SLC35F3: variants seen among roughly 807,000 people sequenced by gnomAD.
SLC35F3 encodes the protein solute carrier family 35 member F3.
A neutral mutation model predicts 49.9 loss-of-function variants in SLC35F3; 25 were observed. That is an observed-to-expected ratio of 0.50 (90% CI 0.37 to 0.70). The LOEUF is 0.70. SLC35F3 is among the 30% of genes least tolerant of loss of function. The pLI, the probability that SLC35F3 is intolerant of heterozygous loss-of-function variation, is 0.00. For missense variants in SLC35F3, 525 were observed against 639.8 expected (o/e 0.82, Z 1.94); for synonymous variants, 275 against 265.4 (o/e 1.04, Z -0.35).
intron 3 of SLC35F3, among the ~76,000 whole-genome samples, chr1:234,268,175 G>A (rs1161383008): frequency 6.6e-6 from 1 of 152,194 alleles, no homozygotes; most frequent in African/African-American, 2.4e-5. Flanking sequence ...ATTGAGCACT[G>A]AGTGAACCAG....
intron 2 of SLC35F3, among the ~76,000 whole-genome samples, chr1:234,005,110 T>C (rs2102834517): frequency 6.6e-6 from 1 of 152,256 alleles, no homozygotes; most frequent in African/African-American, 2.4e-5. Context: ...TTATTACTCG[T>C]TGATTCCTTC....
Position 234,231,816 on chromosome 1 carries a change from C to T in SLC35F3, c.608+75C>T, listed in dbSNP as rs1159959842. 2.8e-6 allele frequency: 4 copies of T among 1,414,804 alleles called. No homozygotes were observed. The highest frequency in any genetic ancestry group is 3.9e-6 in the Non-Finnish European group (4 of 1,032,454). The allele number at this position is 1,414,804 out of a possible 1,614,324, so 87.6% of individuals were successfully genotyped here. On this transcript the variant is annotated intron_variant, in intron 3 of 7. Coordinates refer to ENST00000366618, the MANE Select transcript of SLC35F3 (RefSeq NM_173508.4). The surrounding 1 kb of genome is among the most constrained non-coding windows in gnomAD (Gnocchi z 5.4). ...CAGCGCTGACTCTGCAGAGCTGCCC[C>T]TGGTGGCAGGCGCTGGGATGAGCCG...
intron 2 of SLC35F3, among the ~76,000 whole-genome samples, chr1:234,022,709 C>A (rs1005984032): frequency 6.6e-6 from 1 of 152,104 alleles, no homozygotes; most frequent in African/African-American, 2.4e-5. Flanking sequence ...ACATCTCTGG[C>A]TCAGTACATG....
At position 234,076,025 on chromosome 1, in the gene SLC35F3, A is replaced by G. The variant is rs563397673; in HGVS notation, c.284-155392A>G. Among the ~76,000 whole-genome samples, 7 of 152,230 alleles carry G rather than the reference A, an allele frequency of 4.6e-5. No individual in the cohort carries two copies. In the South Asian group the frequency reaches 6.2e-4, roughly 14 times the overall value. ...ACCGCAGACTGTTTTCTGTGATTCC[A>G]TGTTATTTTCTTCTGGGTATGTTCT... On this transcript the variant is annotated intron_variant, in intron 2 of 7. Coordinates refer to ENST00000366618, the MANE Select transcript of SLC35F3 (RefSeq NM_173508.4).
intron 2 of SLC35F3, among the ~76,000 whole-genome samples, chr1:233,936,644 C>G (rs1571986878): frequency 6.6e-6 from 1 of 151,734 alleles, no homozygotes; most frequent in East Asian, 1.9e-4. Flanking sequence ...TCTTCTTCCT[C>G]TTCTCCTCCT....
intron 2 of SLC35F3, among the ~76,000 whole-genome samples, chr1:234,012,077 A>G (rs1025839478): frequency 6.6e-6 from 1 of 152,210 alleles, no homozygotes; most frequent in African/African-American, 2.4e-5. Flanking sequence ...AAAACATGTG[A>G]GCAAAAGAAT....
chr1:234,163,514 C>T (rs1056690336), intron 2 of SLC35F3, among the ~76,000 whole-genome samples: 1 of 152,084 alleles, frequency 6.6e-6, no homozygotes, highest in Admixed American at 6.5e-5. Flanking sequence ...CCAGTGTGTT[C>T]AGTGATGGAG....
chr1:234,128,832 C>T (rs1665688285), intron 2 of SLC35F3, among the ~76,000 whole-genome samples: 1 of 152,164 alleles, frequency 6.6e-6, no homozygotes, highest in South Asian at 2.1e-4. Flanking sequence ...ATTTCTTTCA[C>T]TCTGTCGGAA....
intron 2 of SLC35F3, among the ~76,000 whole-genome samples, chr1:234,208,740 A>C (rs1202461345): frequency 6.6e-6 from 1 of 152,130 alleles, no homozygotes; most frequent in African/African-American, 2.4e-5. Context: ...CAGCACACCC[A>C]CTTCAGTATC....
At chr1:233,966,145 T>A (rs145298514) in intron 2 of SLC35F3, among the ~76,000 whole-genome samples, 104 of 152,232 alleles carry the variant, frequency 6.8e-4, no homozygotes, top group African/African-American at 2.4e-3. Flanking sequence ...CAGAGGTTGT[T>A]AGCAGCCAGC....
chr1:234,268,445 A>AGG (rs1174544431), intron 3 of SLC35F3: 6 of 146,318 alleles, frequency 4.1e-5, no homozygotes, highest in Admixed American at 2.0e-4. Flanking sequence ...AGACCGTGGA[A>AGG]AGGAGACCGT....
chr1:234,036,620 T>C (rs902043054), intron 2 of SLC35F3, among the ~76,000 whole-genome samples: 4 of 152,240 alleles, frequency 2.6e-5, no homozygotes, highest in African/African-American at 9.6e-5. Context: ...GAGATTGTGT[T>C]CTATCTTTTC....
intron 6 of SLC35F3, 45 bp downstream of exon 6, chr1:234,318,988 C>T: frequency 6.6e-7 from 1 of 1,520,696 alleles, no homozygotes; most frequent in Non-Finnish European, 9.0e-7. Flanking sequence ...AGCAACCACC[C>T]ACAGAGGACC....
chr1:234,021,031 A>G (rs935205855), intron 2 of SLC35F3, among the ~76,000 whole-genome samples: 4 of 152,216 alleles, frequency 2.6e-5, no homozygotes, highest in Non-Finnish European at 4.4e-5. Flanking sequence ...AAGAACTTCT[A>G]TCCAGCCTTT....
At chr1:233,908,237 G>A (rs1413829598) in intron 2 of SLC35F3, among the ~76,000 whole-genome samples, 1 of 151,818 alleles carries the variant, frequency 6.6e-6, no homozygotes, top group Non-Finnish European at 1.5e-5. Context: ...AGTGAGTTAT[G>A]GAAGCTCCAA....
intron 3 of SLC35F3, among the ~76,000 whole-genome samples, chr1:234,245,220 T>C (rs1357550585): frequency 6.6e-6 from 1 of 152,240 alleles, no homozygotes; most frequent in Non-Finnish European, 1.5e-5. Flanking sequence ...ACATGCAGTA[T>C]TTCTCTTTCT....
At chr1:233,956,215 T>C (rs543480872) in intron 2 of SLC35F3, among the ~76,000 whole-genome samples, 5 of 152,172 alleles carry the variant, frequency 3.3e-5, no homozygotes, top group African/African-American at 1.2e-4. Context: ...AGTTTAGAAG[T>C]TAAAAGTTGA....
chr1:234,270,352 G>A (rs1460947260), intron 3 of SLC35F3, among the ~76,000 whole-genome samples: 1 of 152,144 alleles, frequency 6.6e-6, no homozygotes, highest in Non-Finnish European at 1.5e-5. Flanking sequence ...CAGCCTCAAG[G>A]AGAGGGTCCA....
chr1:234,114,501 G>C (rs749630632), intron 2 of SLC35F3, among the ~76,000 whole-genome samples: 3 of 152,172 alleles, frequency 2.0e-5, no homozygotes, highest in Non-Finnish European at 2.9e-5. Flanking sequence ...AGGGAGAATT[G>C]CAGAATACCG....
Sources: allele counts gnomAD v4.1 joint callset (sites outside exome capture counted in the v4.1 genomes callset), GRCh38; gene constraint gnomAD v4.1.1; non-coding constraint Gnocchi (gnomAD v3.1); transcripts MANE v1.5; gene names NCBI Gene and HGNC (gene_info 2026-07-23, HGNC 2026-07-21).